The following ARNT variants were observed in gnomAD, a reference collection of about 807,000 sequenced individuals.
ARNT encodes class E basic helix-loop-helix protein 2.
ARNT carries 30 observed loss-of-function variants against 105.0 expected under a neutral mutation model. The observed-to-expected ratio is 0.29, with a 90% CI of 0.21 to 0.39. The LOEUF is 0.39. Among genes scored for constraint, ARNT ranks in the 10% least tolerant of loss-of-function variants. The pLI is 1.00. For synonymous variants in ARNT, 304 were observed against 344.0 expected (o/e 0.88, Z 1.29); for missense variants, 748 against 978.7 (o/e 0.76, Z 3.15).
rs10305693 is a variant in ARNT, at chr1:150,836,912, C to T, written c.487-419G>A. ...AAACAAAACAAAACAAAAACAAAAA[C>T]AAAACTAGCCAGGTGTGGTGGCACA... On this transcript the variant is annotated intron_variant, in intron 6 of 21. Transcript: ENST00000358595. Among the ~76,000 whole-genome samples the T allele has an allele frequency of 7.7e-3, 1,168 of 152,064 alleles. 6 individuals are homozygous for T. The highest frequency in any genetic ancestry group is 0.011 in the Non-Finnish European group (715 of 67,962).
At chr1:150,868,723 A>G (rs897783111) in intron 1 of ARNT, among the ~76,000 whole-genome samples, 1 of 151,538 alleles carries the variant, frequency 6.6e-6, no homozygotes, top group African/African-American at 2.4e-5. Flanking sequence ...AACATGGTGA[A>G]ACCCCGTCTC....
At chr1:150,857,649 C>T (rs1664872007) in intron 2 of ARNT, among the ~76,000 whole-genome samples, 1 of 152,128 alleles carries the variant, frequency 6.6e-6, no homozygotes, top group African/African-American at 2.4e-5. Context: ...GCCCATTCTT[C>T]CAGGCCCCTC....
chr1:150,830,294 C>T (rs954214519), intron 10 of ARNT: 8 of 240,154 alleles, frequency 3.3e-5, no homozygotes, highest in Middle Eastern at 1.4e-3. Context: ...TGCAGTGAGC[C>T]GAGATCGCAC....
chr1:150,847,729 G>A (rs1029527473), intron 3 of ARNT, among the ~76,000 whole-genome samples: 11 of 152,160 alleles, frequency 7.2e-5, no homozygotes, highest in African/African-American at 2.7e-4. Flanking sequence ...CTCAATAGGA[G>A]GAATTCTCAA....
At chr1:150,835,732 A>G (rs1660201533) in intron 7 of ARNT, among the ~76,000 whole-genome samples, 1 of 152,162 alleles carries the variant, frequency 6.6e-6, no homozygotes. Flanking sequence ...GTTGCTCAAG[A>G]ATAGATATGA....
chr1:150,858,567 A>G (rs1665034272), intron 1 of ARNT, 107 bp from the exon 2 acceptor site: 1 of 868,694 alleles, frequency 1.2e-6, no homozygotes, highest in Non-Finnish European at 1.8e-6. Context: ...ACAAAATCTC[A>G]GCAGTTTGCT....
At chr1:150,813,636 T>A (rs1184513437) in intron 20 of ARNT, among the ~76,000 whole-genome samples, 1 of 150,652 alleles carries the variant, frequency 6.6e-6, no homozygotes. Flanking sequence ...TGTGGGTAGT[T>A]TTTTTTTTTT....
intron 8 of ARNT, among the ~76,000 whole-genome samples, chr1:150,833,925 CTT>C (rs1322329128): frequency 6.7e-6 from 1 of 150,228 alleles, no homozygotes; most frequent in Non-Finnish European, 1.5e-5. Flanking sequence ...AAATTCATTT[CTT>C]TTTCTTTTTC....
At chr1:150,868,275 C>T (rs962125092) in intron 1 of ARNT, among the ~76,000 whole-genome samples, 9 of 151,944 alleles carry the variant, frequency 5.9e-5, no homozygotes, top group Non-Finnish European at 1.3e-4. Flanking sequence ...GGCAACATAG[C>T]AAGACCCTGT....
intron 3 of ARNT, 147 bp from the exon 4 acceptor site, chr1:150,846,454 C>A (rs1662229388): frequency 5.5e-6 from 4 of 720,788 alleles, no homozygotes; most frequent in Non-Finnish European, 9.2e-6. Flanking sequence ...AACAGCAGCA[C>A]CCCATAGAAC....
intron 19 of ARNT, among the ~76,000 whole-genome samples, 200 bp from the exon 20 acceptor site, chr1:150,814,439 A>G (rs1011051533): frequency 4.6e-5 from 7 of 152,250 alleles, no homozygotes; most frequent in African/African-American, 1.7e-4. Context: ...AAAATTACAA[A>G]AAAGCAATGA....
chr1:150,852,241 G>A (rs1342038207), intron 3 of ARNT, among the ~76,000 whole-genome samples: 1 of 152,080 alleles, frequency 6.6e-6, no homozygotes, highest in Admixed American at 6.6e-5. Context: ...TTTGGCCAAT[G>A]GGACATAAGC....
chr1:150,813,941 C>G lies in ARNT; in HGVS notation c.2113+136G>C, dbSNP rs879222101. ...GCACCCAGCTGGTAGGTTTTAAATT[C>G]TAAATAGATTGTCACCTTGCATTTC... is the stretch of plus-strand genomic sequence containing the variant. On this transcript the variant is annotated intron_variant, in intron 20 of 21. Transcript: ENST00000358595. 5.7e-5 allele frequency: 71 copies of G among 1,252,662 alleles called. 1 individual carries two copies. In the South Asian group the frequency reaches 9.9e-4, roughly 18 times the overall value. 77.6% of individuals were successfully genotyped at this position (1,252,662 alleles called of 1,614,324 possible).
intron 1 of ARNT, among the ~76,000 whole-genome samples, chr1:150,865,618 A>G (rs1666435796): frequency 6.6e-6 from 1 of 152,158 alleles, no homozygotes; most frequent in Admixed American, 6.5e-5. Flanking sequence ...CATTCTGTCA[A>G]AAGACAGATT....
At chr1:150,852,727 A>G in intron 3 of ARNT, 35 bp downstream of exon 3, 1 of 1,574,986 alleles carries the variant, frequency 6.3e-7, no homozygotes, top group Non-Finnish European at 8.7e-7. Context: ...AATTTTTAAT[A>G]TCAGACATCT....
At position 150,850,430 on chromosome 1, in the gene ARNT, C is replaced by T. The variant is rs587663261; in HGVS notation, c.182+2332G>A. ...CCGAGTGCCTGCGATTGCAGTCGCG[C>T]GCCGCCACGCCTGACTGGTTTTCGT... On this transcript the variant is annotated intron_variant, in intron 3 of 21. Transcript: ENST00000358595. 1.8e-4 allele frequency among the ~76,000 whole-genome samples: 27 copies of T among 152,352 alleles called. No homozygotes were observed. In the East Asian group the frequency reaches 2.3e-3, roughly 13 times the overall value.
chr1:150,809,928 G>A lies in ARNT; in HGVS notation c.*2093C>T, dbSNP rs1318121525. The A allele has an allele frequency of 4.4e-6, 1 of 224,794 alleles. No homozygotes were observed. Among genetic ancestry groups the A allele is most frequent in the Non-Finnish European group, 8.9e-6 (1 of 112,362 alleles). 13.9% of individuals were successfully genotyped at this position (224,794 alleles called of 1,614,324 possible). A position where few individuals can be genotyped will look rare whatever the true frequency, so the allele number is the denominator to read the frequency against. On this transcript the variant is annotated 3_prime_UTR_variant, in exon 22 of 22. Coordinates refer to ENST00000358595, the MANE Select transcript of ARNT (RefSeq NM_001668.4). ...ACAAGTGAGGGGGGAGGCGTGCAAT[G>A]TGATCAGAACCCTATGATTTCTGAT...
At chr1:150,836,580 C>A in intron 6 of ARNT, 87 bp from the exon 7 acceptor site, 2 of 1,311,292 alleles carry the variant, frequency 1.5e-6, no homozygotes, top group Non-Finnish European at 2.1e-6. Flanking sequence ...ACACTTCAGG[C>A]CACATGCATC....
rs587766779 is a variant in ARNT at position 150,812,422 on chromosome 1, T to TG, written c.2281-313dup. 2.0e-3 allele frequency among the ~76,000 whole-genome samples: 301 copies of TG among 152,362 alleles called. 4 individuals carry two copies. The Middle Eastern group carries it at 0.02, about 10-fold the overall frequency. ...CATATATGGAGTCTCTTATCCTATT[T>TG]GTTTTCCACCAAGACCTGTTTTGCT... On this transcript the variant is annotated intron_variant, in intron 21 of 21. Coordinates refer to ENST00000358595, the MANE Select transcript of ARNT (RefSeq NM_001668.4).
Sources: gnomAD v4.1 joint callset for allele counts (sites outside exome capture counted in the v4.1 genomes callset) on GRCh38, gnomAD v4.1.1 for gene constraint, MANE v1.5 for transcripts, NCBI Gene and HGNC (gene_info 2026-07-23, HGNC 2026-07-21) for gene names.